RAP1GAP2: variants seen among roughly 807,000 people sequenced by gnomAD.
RAP1GAP2 encodes RAP1 GTPase activating protein 2, also known as rap1 GTPase-activating protein 2.
RAP1GAP2 carries 27 observed loss-of-function variants against 95.0 expected under a neutral mutation model. That is an observed-to-expected ratio of 0.28 (90% CI 0.21 to 0.39). RAP1GAP2 has a LOEUF of 0.39. RAP1GAP2 is among the 10% of genes least tolerant of loss of function. The pLI, the probability that RAP1GAP2 is intolerant of heterozygous loss-of-function variation, is 1.00. For missense variants in RAP1GAP2, 771 were observed against 970.0 expected, an observed-to-expected ratio of 0.79 and a Z score of 2.72; for synonymous variants, 373 against 380.9, an observed-to-expected ratio of 0.98 and a Z score of 0.24.
At chr17:2,776,650 G>A (rs952348308), upstream of RAP1GAP2, among the ~76,000 whole-genome samples, 1 of 151,274 alleles carries the variant, frequency 6.6e-6, no homozygotes, top group East Asian at 1.9e-4. Flanking sequence ...GCGGGAGCAC[G>A]AGGACCCCGG....
chr17:2,947,390 C>A (rs1183094668), intron 3 of RAP1GAP2, among the ~76,000 whole-genome samples: 1 of 152,098 alleles, frequency 6.6e-6, no homozygotes, highest in Non-Finnish European at 1.5e-5. Context: ...AGAGCACAGA[C>A]AGCTGTTAAT....
intron 1 of RAP1GAP2, among the ~76,000 whole-genome samples, chr17:2,778,963 C>T (rs987939237): frequency 6.6e-6 from 1 of 152,238 alleles, no homozygotes; most frequent in Non-Finnish European, 1.5e-5. Flanking sequence ...ACAAGGGTGG[C>T]TCTGTGGACA....
At position 2,995,337 on chromosome 17, in the gene RAP1GAP2, T is replaced by C. The variant is rs200798159; in HGVS notation, c.915T>C (p.Gly305=). 85 of 1,613,594 alleles carry C rather than the reference T, an allele frequency of 5.3e-5. No homozygotes were observed. The African/African-American group carries it at 1.0e-3, about 19-fold the overall frequency. ...GDTITLQDFK[G]FRGGLDVTHG... ...ATCTCCTGCCCTGTTTTGTTGACAG[T>C]TTCCGAGGAGGCCTGGACGTGACCC... The change falls in exon 13 of 25, where the codon GGT becomes GGC. Residue 305 remains glycine, a splice_region_variant and synonymous_variant. Transcript: ENST00000254695.
At chr17:2,961,007 G>C (rs1161671939) in intron 4 of RAP1GAP2, among the ~76,000 whole-genome samples, 2 of 152,088 alleles carry the variant, frequency 1.3e-5, no homozygotes, top group East Asian at 3.9e-4. Flanking sequence ...CCTGAGGTTG[G>C]GAGTTCAAGA....
intron 2 of RAP1GAP2, among the ~76,000 whole-genome samples, chr17:2,826,879 G>C (rs1365420596): frequency 6.6e-6 from 1 of 152,258 alleles, no homozygotes; most frequent in South Asian, 2.1e-4. Flanking sequence ...GGTGGCGTAC[G>C]CCTGTAGTCC....
intron 19 of RAP1GAP2, among the ~76,000 whole-genome samples, chr17:3,022,713 G>C (rs9915909): frequency 0.91 from 138,975 of 152,290 alleles, 63,588 homozygotes; most frequent in Non-Finnish European, 0.95. Context: ...GTTTCCTTTG[G>C]TGTGCAGAAG....
intron 8 of RAP1GAP2, among the ~76,000 whole-genome samples, chr17:2,972,598 C>CAAAAAAAAAAAAAAAAAAAAA: frequency 1.2e-5 from 1 of 85,532 alleles, no homozygotes; most frequent in Non-Finnish European, 2.1e-5. Context: ...AAGTCCTTCT[C>CAAAAAAAAAAAAAAAAAAAAA]AAAAAAAAAA....
intron 3 of RAP1GAP2, among the ~76,000 whole-genome samples, chr17:2,918,571 G>A (rs1031534834): frequency 2.0e-5 from 3 of 152,042 alleles, no homozygotes; most frequent in Non-Finnish European, 4.4e-5. Context: ...TGAAGGGAGA[G>A]GAGGCAGGTC....
intron 14 of RAP1GAP2, 106 bp downstream of exon 14, chr17:2,998,482 A>C: frequency 4.4e-6 from 6 of 1,361,482 alleles, no homozygotes; most frequent in Non-Finnish European, 6.0e-6. Flanking sequence ...GAGATTCTCC[A>C]TGAGTTTGCA....
At chr17:2,758,226 A>C (rs1373223207) in intron 1 of RAP1GAP2, among the ~76,000 whole-genome samples, 5 of 122,756 alleles carry the variant, frequency 4.1e-5, no homozygotes, top group African/African-American at 6.3e-5. Flanking sequence ...CCCAGGCTGG[A>C]GTGCAGTGGT....
intron 8 of RAP1GAP2, among the ~76,000 whole-genome samples, chr17:2,979,911 C>T (rs913579154): frequency 6.6e-6 from 1 of 151,680 alleles, no homozygotes; most frequent in African/African-American, 2.4e-5. Context: ...GCTGTGATCT[C>T]GGCCACCTTC....
At position 3,005,917 on chromosome 17, in the gene RAP1GAP2, G is replaced by T. The variant is rs748490647; in HGVS notation, c.1273-38G>T. ...GGCTGAAGACCTTCTGGCAACAGCC[G>T]AGAGTGACAGACCTGAGGTCCGTCT... is the stretch of plus-strand genomic sequence containing the variant. On this transcript the variant is annotated intron_variant, in intron 15 of 24. Transcript: ENST00000254695. This position sits in a 1 kb window ranked among gnomAD's most constrained non-coding sequence, Gnocchi z 5.2. 3.8e-6 allele frequency: 6 copies of T among 1,583,310 alleles called. No individual in the cohort carries two copies. In the Admixed American group the frequency reaches 1.0e-4, roughly 26 times the overall value.
intron 2 of RAP1GAP2, 108 bp from the exon 3 acceptor site, chr17:2,905,176 C>A: frequency 9.6e-7 from 1 of 1,038,602 alleles, no homozygotes; most frequent in Non-Finnish European, 1.4e-6. Flanking sequence ...AGCCACCCAA[C>A]CCAGCCTGCA....
chr17:2,883,539 C>G (rs1017181105), intron 2 of RAP1GAP2, among the ~76,000 whole-genome samples: 1 of 152,338 alleles, frequency 6.6e-6, no homozygotes, highest in African/African-American at 2.4e-5. Context: ...CTCCACCCTT[C>G]TGTCTTTCCT....
intron 1 of RAP1GAP2, among the ~76,000 whole-genome samples, chr17:2,778,982 C>T (rs370993947): frequency 2.0e-5 from 3 of 152,208 alleles, no homozygotes; most frequent in Non-Finnish European, 4.4e-5. Context: ...CATTCGCTCC[C>T]GTGTGGACTT....
In RAP1GAP2 at chr17:3,005,782, T is replaced by C. The variant is rs1482726378; in HGVS notation, c.1273-173T>C. On this transcript the variant is annotated intron_variant, in intron 15 of 24. Transcript: ENST00000254695. This position sits in a 1 kb window ranked among gnomAD's most constrained non-coding sequence, Gnocchi z 5.2. ...CCCAGGACCAGGGAAGCGGGTTTCC[T>C]TGTTGGGATATTTGCAAGTGGGCTT... Among the ~76,000 whole-genome samples, 1 of 152,136 alleles carries C rather than the reference T, an allele frequency of 6.6e-6. No homozygotes were observed. Among genetic ancestry groups the C allele is most frequent in the East Asian group, 1.9e-4 (1 of 5,174 alleles).
intron 10 of RAP1GAP2, among the ~76,000 whole-genome samples, chr17:2,984,521 G>A (rs188470262): frequency 1.3e-5 from 2 of 152,318 alleles, no homozygotes; most frequent in East Asian, 3.9e-4. Flanking sequence ...TCTCCTTAGA[G>A]ACCTCTCATT....
intron 2 of RAP1GAP2, among the ~76,000 whole-genome samples, chr17:2,900,890 T>C (rs551996015): frequency 3.9e-5 from 6 of 152,232 alleles, no homozygotes; most frequent in African/African-American, 1.4e-4. Context: ...TGATTCCAAG[T>C]GTAGGGTGCT....
At chr17:2,793,571 T>G (rs2068986455), upstream of RAP1GAP2, among the ~76,000 whole-genome samples, 1 of 152,282 alleles carries the variant, frequency 6.6e-6, no homozygotes. Flanking sequence ...GTGCTTGGCC[T>G]AGAGCAGGTG....
Sources: allele counts gnomAD v4.1 joint callset (sites outside exome capture counted in the v4.1 genomes callset), GRCh38; gene constraint gnomAD v4.1.1; non-coding constraint Gnocchi (gnomAD v3.1); transcripts MANE v1.5; gene names NCBI Gene and HGNC (gene_info 2026-07-23, HGNC 2026-07-21).